The following PHF7 variants were observed in gnomAD, a reference collection of about 807,000 sequenced individuals.
PHF7 encodes the protein PHD finger protein 7.
In PHF7, 24 loss-of-function variants were observed where a neutral mutation model predicts 47.5. The ratio of observed to expected loss-of-function variants is 0.51; its 90% CI spans 0.37 to 0.71. The LOEUF (loss-of-function observed/expected upper bound fraction) is 0.71. Ranked by LOEUF, PHF7 falls within the 30% of genes least tolerant of loss-of-function variation. The pLI is 0.00. For missense variants in PHF7, 361 were observed against 456.8 expected (o/e 0.79, Z 1.91); for synonymous variants, 156 against 153.8 (o/e 1.01, Z -0.11).
intron 10 of PHF7, 81 bp downstream of exon 10, chr3:52,422,962 T>C (rs1705839075): frequency 6.3e-7 from 1 of 1,582,462 alleles, no homozygotes; most frequent in Non-Finnish European, 8.7e-7. Context: ...GAGGAAGACA[T>C]CCCACCAGAG....
chr3:52,411,580 C>G (rs1705436563), intron 1 of PHF7, among the ~76,000 whole-genome samples: 1 of 152,208 alleles, frequency 6.6e-6, no homozygotes, highest in Non-Finnish European at 1.5e-5. Flanking sequence ...TGATCGGAGG[C>G]CATGGATACT....
At chr3:52,419,752 C>G in intron 4 of PHF7, 81 bp from the exon 5 acceptor site, 1 of 837,598 alleles carries the variant, frequency 1.2e-6, no homozygotes, top group Non-Finnish European at 2.0e-6. Flanking sequence ...CTTTAGCTCT[C>G]TTACCCTGTC....
chr3:52,422,810 G>T lies in PHF7; in HGVS notation c.848G>T (p.Arg283Met), dbSNP rs1388599346. 1 of 1,613,988 alleles carries T rather than the reference G, an allele frequency of 6.2e-7. No homozygotes were observed. Among genetic ancestry groups the T allele is most frequent in the Admixed American group, 1.7e-5 (1 of 60,008 alleles). Residue 283 changes from arginine to methionine, a missense_variant, in exon 10 of 11, where the codon AGG becomes ATG. Arg to Met is a moderately conservative substitution (Grantham distance 91). Coordinates refer to ENST00000327906, the MANE Select transcript of PHF7 (RefSeq NM_016483.7). ...ACATGCGGATCCCACGGAACCCACA[G>T]GGACTGCTCCTCTCTTAGATCTAAC... ...CATCGSHGTHRDCSSLRSNSK... is the reference protein window; with the variant it reads ...CATCGSHGTHMDCSSLRSNSK...
At position 52,412,848 on chromosome 3, in the gene PHF7, G is replaced by T. The variant is rs765408252; in HGVS notation, c.-32G>T. On this transcript the variant is annotated 5_prime_UTR_variant, in exon 2 of 11. The change creates a premature stop within an existing upstream ORF in the 5' untranslated region. Transcript: ENST00000327906. ...GTATTGTCCTCACAATAGTATAGAA[G>T]AATTCAAGAGAGGAGAGAGAGACAG... The T allele has an allele frequency of 6.4e-6, 10 of 1,561,074 alleles. No homozygotes were observed. In the Admixed American group the frequency reaches 1.7e-4, roughly 26 times the overall value.
chr3:52,416,635 C>A (rs976091566), intron 4 of PHF7, among the ~76,000 whole-genome samples: 1 of 151,150 alleles, frequency 6.6e-6, no homozygotes, highest in African/African-American at 2.4e-5. Context: ...GAGATGGAGA[C>A]CATCCTGGCT....
intron 8 of PHF7, 145 bp from the exon 9 acceptor site, chr3:52,422,077 C>A: frequency 1.4e-6 from 1 of 703,098 alleles, no homozygotes; most frequent in South Asian, 1.6e-5. Flanking sequence ...ACTGCCAGGC[C>A]ACTTGGCCAG....
chr3:52,413,316 A>G (rs969112870), intron 2 of PHF7, among the ~76,000 whole-genome samples: 1 of 152,250 alleles, frequency 6.6e-6, no homozygotes, highest in African/African-American at 2.4e-5. Flanking sequence ...GCCTCGCAAC[A>G]GGAAATACTT....
At chr3:52,413,788 T>C (rs1030114718) in intron 2 of PHF7, among the ~76,000 whole-genome samples, 3 of 152,168 alleles carry the variant, frequency 2.0e-5, no homozygotes, top group Non-Finnish European at 4.4e-5. Context: ...TAAGCTGAGA[T>C]CGCACCACTG....
intron 4 of PHF7, among the ~76,000 whole-genome samples, chr3:52,415,598 G>A (rs1206821530): frequency 6.6e-6 from 1 of 152,078 alleles, no homozygotes; most frequent in Non-Finnish European, 1.5e-5. Flanking sequence ...ATTATTTTTG[G>A]CTATTCTTTT....
chr3:52,422,694 A>G, intron 9 of PHF7, 66 bp from the exon 10 acceptor site: 1 of 1,583,406 alleles, frequency 6.3e-7, no homozygotes. Context: ...GGCCCATAGC[A>G]AACATCCAAG....
chr3:52,418,368 T>C (rs1275009003), intron 4 of PHF7, among the ~76,000 whole-genome samples: 1 of 152,230 alleles, frequency 6.6e-6, no homozygotes, highest in Non-Finnish European at 1.5e-5. Flanking sequence ...TTGGAAATCT[T>C]TCTGTATAGA....
Position 52,422,026 on chromosome 3 carries a change from C to G in PHF7, c.681-196C>G, listed in dbSNP as rs114199672. ...TGGATTCCAGAGTGGAACTAAGGAA[C>G]CTGCATGCATGTTCCATTCATCCTG... is the stretch of plus-strand genomic sequence containing the variant. On this transcript the variant is annotated intron_variant, in intron 8 of 10. Coordinates refer to ENST00000327906, the MANE Select transcript of PHF7 (RefSeq NM_016483.7). The G allele has an allele frequency of 1.6e-4, 100 of 612,684 alleles. 1 individual carries two copies. The South Asian group carries it at 1.8e-3, about 11-fold the overall frequency. The allele number at this position is 612,684 out of a possible 1,614,324, so 38.0% of individuals were successfully genotyped here. A position where few individuals can be genotyped will look rare whatever the true frequency, so the allele number is the denominator to read the frequency against.
intron 9 of PHF7, 76 bp from the exon 10 acceptor site, chr3:52,422,684 G>A: frequency 1.3e-6 from 2 of 1,514,552 alleles, no homozygotes; most frequent in Non-Finnish European, 1.8e-6. Context: ...AAAAATGCCT[G>A]GCCCATAGCA....
At chr3:52,422,921 G>T (rs1469271162) in intron 10 of PHF7, 40 bp downstream of exon 10, 2 of 1,612,878 alleles carry the variant, frequency 1.2e-6, no homozygotes, top group African/African-American at 2.7e-5. Context: ...AGCAAGGAGG[G>T]GGCTGTAGGG....
chr3:52,416,132 CTA>C (rs1302445820), intron 4 of PHF7, among the ~76,000 whole-genome samples: 1 of 149,932 alleles, frequency 6.7e-6, no homozygotes, highest in Admixed American at 6.6e-5. Context: ...TTTCTGATGA[CTA>C]AAGCTTCTTT....
intron 2 of PHF7, 119 bp from the exon 3 acceptor site, chr3:52,413,877 A>G: frequency 1.4e-6 from 1 of 707,034 alleles, no homozygotes; most frequent in South Asian, 1.7e-5. Flanking sequence ...CTGATGTCTT[A>G]GGCTTTAGAT....
At chr3:52,411,970 C>G (rs565802354) in intron 1 of PHF7, among the ~76,000 whole-genome samples, 1 of 152,140 alleles carries the variant, frequency 6.6e-6, no homozygotes, top group Non-Finnish European at 1.5e-5. Flanking sequence ...AATCCCAGCA[C>G]TTTGGGAGGC....
At position 52,423,535 on chromosome 3, in the gene PHF7, C is replaced by T; in HGVS notation, c.*218C>T. On this transcript the variant is annotated 3_prime_UTR_variant, in exon 11 of 11. Coordinates refer to ENST00000327906, the MANE Select transcript of PHF7 (RefSeq NM_016483.7). ...ATGGCTACAAGAGTGCCTCTGCTTTCTCCTCCTCTCCTCCCACCAAGGATT... is the reference window on the plus strand; with the variant it reads ...ATGGCTACAAGAGTGCCTCTGCTTTTTCCTCCTCTCCTCCCACCAAGGATT... The T allele has an allele frequency of 2.2e-6, 1 of 455,490 alleles. No homozygotes were observed. 28.2% of individuals were successfully genotyped at this position (455,490 alleles called of 1,614,324 possible).
chr3:52,420,733 T>G (rs988339249), intron 6 of PHF7, among the ~76,000 whole-genome samples, 170 bp from the exon 7 acceptor site: 1 of 152,120 alleles, frequency 6.6e-6, no homozygotes, highest in Admixed American at 6.5e-5. Context: ...GCTCAGTAGG[T>G]GAGCAGCCGT....
Sources: allele counts gnomAD v4.1 joint callset (sites outside exome capture counted in the v4.1 genomes callset), GRCh38; gene constraint gnomAD v4.1.1; transcripts MANE v1.5; gene names NCBI Gene and HGNC (gene_info 2026-07-23, HGNC 2026-07-21).